The following SDC3 variants were observed in gnomAD, a reference collection of about 807,000 sequenced individuals.
The protein encoded by SDC3 is syndecan 3, also known as syndecan-3.
In SDC3, 13 loss-of-function variants were observed where a neutral mutation model predicts 24.4. The observed-to-expected ratio is 0.53, with a 90% CI of 0.35 to 0.85. The LOEUF (loss-of-function observed/expected upper bound fraction) is 0.85. Ranked by LOEUF, SDC3 falls within the 40% of genes least tolerant of loss-of-function variation. SDC3 has a pLI of 0.01. For missense variants in SDC3, 571 were observed against 584.5 expected (o/e 0.98, Z 0.24); for synonymous variants, 295 against 260.9 (o/e 1.13, Z -1.26).
chr1:30,908,733 G>C lies in SDC3; in HGVS notation c.-147C>G, dbSNP rs1210053757. 5 of 178,676 alleles carry C rather than the reference G, an allele frequency of 2.8e-5. No individual in the cohort carries two copies. The highest frequency in any genetic ancestry group is 1.2e-4 in the African/African-American group (5 of 41,166). The allele number at this position is 178,676 out of a possible 1,614,324, so 11.1% of individuals were successfully genotyped here. A position where few individuals can be genotyped will look rare whatever the true frequency, so the allele number is the denominator to read the frequency against. On this transcript the variant is annotated 5_prime_UTR_variant, in exon 1 of 5. Transcript: ENST00000339394. ...CGCGGGCTCCCGGCTCGGCCGCCCG[G>C]CTCCGCCTCGCAGCTCCGCGCCCAC...
chr1:30,900,280 A>G (rs1638386852), intron 1 of SDC3, among the ~76,000 whole-genome samples: 1 of 152,172 alleles, frequency 6.6e-6, no homozygotes, highest in Non-Finnish European at 1.5e-5. Flanking sequence ...CACCTAGCAC[A>G]TGACATGCAG....
Position 30,908,652 on chromosome 1 carries a change from G to T in SDC3, c.-66C>A, listed in dbSNP as rs1454270650. The T allele has an allele frequency of 1.6e-6, 1 of 615,630 alleles. No individual in the cohort carries two copies. Among genetic ancestry groups the T allele is most frequent in the Non-Finnish European group, 2.0e-6 (1 of 495,264 alleles). 38.1% of individuals were successfully genotyped at this position (615,630 alleles called of 1,614,324 possible). A position where few individuals can be genotyped will look rare whatever the true frequency, so the allele number is the denominator to read the frequency against. On this transcript the variant is annotated 5_prime_UTR_variant, in exon 1 of 5. Coordinates refer to ENST00000339394, the MANE Select transcript of SDC3 (RefSeq NM_014654.4). ...CCTTTGTTCCCGAGGCGCGGCGCGC[G>T]GGGCGGCTGCTTGGCGGCGGCGCGG... is the stretch of plus-strand genomic sequence containing the variant.
intron 2 of SDC3, chr1:30,878,077 A>T (rs1159185980): frequency 6.5e-6 from 1 of 152,898 alleles, no homozygotes; most frequent in Non-Finnish European, 1.5e-5. Context: ...ACTGAGAAGA[A>T]GTCGTATTTC....
intron 1 of SDC3, among the ~76,000 whole-genome samples, chr1:30,881,198 C>T (rs144501220): frequency 6.6e-6 from 1 of 152,102 alleles, no homozygotes; most frequent in East Asian, 1.9e-4. Context: ...GCCCAGCCCA[C>T]ACCAGCACAC....
chr1:30,878,126 G>C (rs927606937), intron 2 of SDC3: 1 of 153,840 alleles, frequency 6.5e-6, no homozygotes, highest in Non-Finnish European at 1.4e-5. Context: ...TTCAGGGAGG[G>C]GGAGCACCGA....
upstream of SDC3, among the ~76,000 whole-genome samples, chr1:30,909,623 A>G (rs1638612188): frequency 6.6e-6 from 1 of 152,040 alleles, no homozygotes; most frequent in Non-Finnish European, 1.5e-5. Context: ...TACTTCTCCA[A>G]GTCTCCAATG....
chr1:30,883,891 T>C (rs909137222), intron 1 of SDC3, among the ~76,000 whole-genome samples: 6 of 152,168 alleles, frequency 3.9e-5, no homozygotes, highest in Non-Finnish European at 8.8e-5. Flanking sequence ...CATGGCCCTC[T>C]GGATCCCTGC....
chr1:30,895,996 C>T (rs933265825), intron 1 of SDC3, among the ~76,000 whole-genome samples: 3 of 152,164 alleles, frequency 2.0e-5, no homozygotes, highest in Admixed American at 6.5e-5. Flanking sequence ...TCCAGAAAGA[C>T]GGAGCCAAAC....
At position 30,873,134 on chromosome 1, in the gene SDC3, G is replaced by A. The variant is rs145139015; in HGVS notation, c.*77C>T. ...GGGCCAGGTTCCAGGCCCAGTCCCA[G>A]GCTTGGGCTGGTGGGGCCAGGCTGG... On this transcript the variant is annotated 3_prime_UTR_variant, in exon 5 of 5. Transcript: ENST00000339394. The A allele has an allele frequency of 1.3e-3, 1,471 of 1,106,954 alleles. 10 individuals carry two copies. The African/African-American group carries it at 0.019, about 14-fold the overall frequency. The allele number at this position is 1,106,954 out of a possible 1,614,324, so 68.6% of individuals were successfully genotyped here. A position where few individuals can be genotyped will look rare whatever the true frequency, so the allele number is the denominator to read the frequency against.
At chr1:30,876,009 GATA>G (rs1639630317) in intron 3 of SDC3, among the ~76,000 whole-genome samples, 1 of 152,194 alleles carries the variant, frequency 6.6e-6, no homozygotes, top group Non-Finnish European at 1.5e-5. Flanking sequence ...TCAGACCCAT[GATA>G]ATAACAACCG....
At chr1:30,883,428 G>A (rs916398724) in intron 1 of SDC3, among the ~76,000 whole-genome samples, 1 of 152,194 alleles carries the variant, frequency 6.6e-6, no homozygotes, top group Non-Finnish European at 1.5e-5. Flanking sequence ...AGCAAGGGGT[G>A]GGGGCCCAGC....
At chr1:30,878,771 G>A (rs780833960) in intron 1 of SDC3, 31 bp from the exon 2 acceptor site, 26 of 1,593,294 alleles carry the variant, frequency 1.6e-5, no homozygotes, top group Middle Eastern at 1.7e-4. Flanking sequence ...CACAGGGCTC[G>A]GCACCCGAGA....
In SDC3 at chr1:30,906,119, T is replaced by C. The variant is rs554733325; in HGVS notation, c.138+2330A>G. 4.6e-5 allele frequency among the ~76,000 whole-genome samples: 7 copies of C among 152,204 alleles called. No individual in the cohort carries two copies. In the East Asian group the frequency reaches 1.4e-3, roughly 29 times the overall value. The stretch of plus-strand genomic sequence containing the variant: ...GCTCTTCTGATCTAACCTCAGTCCC[T>C]CCTGCTGCAGGCACTGCCCTCTCCC... On this transcript the variant is annotated intron_variant, in intron 1 of 4. Transcript: ENST00000339394.
Position 30,872,813 on chromosome 1 carries a change from GCC to G in SDC3, c.*396_*397del. The G allele has an allele frequency of 9.5e-5, 20 of 209,470 alleles. No individual in the cohort carries two copies. The highest frequency in any genetic ancestry group is 4.2e-4 in the South Asian group (4 of 9,474). The allele number at this position is 209,470 out of a possible 1,614,324, so 13.0% of individuals were successfully genotyped here. ...GTTTGTCCTGGAAACCAGCCTGAGT[GCC>G]TCTCTGCCCCAAAAAGGAGATCTCA... On this transcript the variant is annotated 3_prime_UTR_variant, in exon 5 of 5. Transcript: ENST00000339394.
Position 30,869,542 on chromosome 1 carries a change from A to AC in SDC3, c.*3668_*3669insG, listed in dbSNP as rs1557509174. 1,907 of 307,348 alleles carry AC rather than the reference A, an allele frequency of 6.2e-3. 10 individuals carry two copies. The highest frequency in any genetic ancestry group is 0.022 in the South Asian group (133 of 6,060). 19.0% of individuals were successfully genotyped at this position (307,348 alleles called of 1,614,324 possible). On this transcript the variant is annotated 3_prime_UTR_variant, in exon 5 of 5. Coordinates refer to ENST00000339394, the MANE Select transcript of SDC3 (RefSeq NM_014654.4). ...TGTTAAAAAAACAAACAAACAAAAA[A>AC]AAAAAAAAAAAAAAAAAAACAAAAA...
intron 1 of SDC3, among the ~76,000 whole-genome samples, chr1:30,885,280 A>C (rs1350792816): frequency 6.6e-6 from 1 of 152,118 alleles, no homozygotes; most frequent in Non-Finnish European, 1.5e-5. Context: ...TTTAAAAAAT[A>C]GGTTACAAAA....
intron 1 of SDC3, among the ~76,000 whole-genome samples, chr1:30,882,513 G>C (rs1415054522): frequency 6.6e-6 from 1 of 152,144 alleles, no homozygotes; most frequent in African/African-American, 2.4e-5. Flanking sequence ...CCTGGGCCAG[G>C]GGCAAGGAGG....
intron 1 of SDC3, among the ~76,000 whole-genome samples, chr1:30,902,599 G>C (rs779814915): frequency 6.6e-5 from 10 of 152,224 alleles, no homozygotes; most frequent in Non-Finnish European, 1.2e-4. Flanking sequence ...CAGGGGTTTG[G>C]GGGGATGATG....
rs548279702 is a variant in SDC3 at position 30,887,552 on chromosome 1, G to A, written c.139-8812C>T. 1.4e-4 allele frequency among the ~76,000 whole-genome samples: 22 copies of A among 152,010 alleles called. No individual in the cohort carries two copies. In the East Asian group the frequency reaches 1.9e-3, roughly 13 times the overall value. On this transcript the variant is annotated intron_variant, in intron 1 of 4. Transcript: ENST00000339394. Reference sequence around the variant, plus strand: ...GAACCACCAAATCCACCCAAACGACGTCCCCACGTGCCCAGCTAGTCTGCA... The same window carrying A: ...GAACCACCAAATCCACCCAAACGACATCCCCACGTGCCCAGCTAGTCTGCA...
Sources: gnomAD v4.1 joint callset for allele counts (sites outside exome capture counted in the v4.1 genomes callset) on GRCh38, gnomAD v4.1.1 for gene constraint, MANE v1.5 for transcripts, NCBI Gene and HGNC (gene_info 2026-07-23, HGNC 2026-07-21) for gene names.